Variants in FAT3 observed in about 807,000 individuals in gnomAD.
The protein encoded by FAT3 is protocadherin Fat 3.
FAT3 carries 95 observed loss-of-function variants against 310.2 expected under a neutral mutation model. That is an observed-to-expected ratio of 0.31 (90% confidence interval 0.26 to 0.36). FAT3 has a LOEUF of 0.36. Among genes scored for constraint, FAT3 ranks in the 10% least tolerant of loss-of-function variants. The pLI, the probability that FAT3 is intolerant of heterozygous loss-of-function variation, is 1.00. For synonymous variants in FAT3, 2,314 were observed against 2,192.9 expected (o/e 1.06, Z -1.54); for missense variants, 5,408 against 5,715.6 (o/e 0.95, Z 1.74).
intron 24 of FAT3, among the ~76,000 whole-genome samples, chr11:92,884,996 A>G (rs748436718): frequency 1.3e-5 from 2 of 152,188 alleles, no homozygotes; most frequent in Non-Finnish European, 2.9e-5. Flanking sequence ...AGAGGAGGGA[A>G]AAGGAGAGGA....
At chr11:92,802,842 A>T (rs1947398751) in intron 10 of FAT3, among the ~76,000 whole-genome samples, 1 of 152,214 alleles carries the variant, frequency 6.6e-6, no homozygotes, top group African/African-American at 2.4e-5. Context: ...CTTAGGACAT[A>T]GAATCTGCTT....
chr11:92,558,088 G>A (rs992548800), intron 3 of FAT3, among the ~76,000 whole-genome samples: 18 of 152,240 alleles, frequency 1.2e-4, no homozygotes, highest in Admixed American at 4.6e-4. Context: ...CCTATAAAGC[G>A]CATCTTTCTT....
At chr11:92,342,007 C>T (rs1233497568) in intron 1 of FAT3, among the ~76,000 whole-genome samples, 1 of 152,032 alleles carries the variant, frequency 6.6e-6, no homozygotes, top group Non-Finnish European at 1.5e-5. Flanking sequence ...CATGGATGAA[C>T]TCAGTGTTGC....
intron 3 of FAT3, among the ~76,000 whole-genome samples, chr11:92,575,209 G>A (rs1010242890): frequency 6.6e-5 from 10 of 152,058 alleles, no homozygotes; most frequent in Admixed American, 6.6e-4. Context: ...GGATTATTGA[G>A]CTAATGTAGG....
intron 2 of FAT3, among the ~76,000 whole-genome samples, chr11:92,362,417 G>A (rs1300749151): frequency 2.6e-5 from 4 of 152,086 alleles, no homozygotes; most frequent in Non-Finnish European, 5.9e-5. Context: ...TTTCTGCTCT[G>A]TGCCCAGAGG....
At chr11:92,249,868 C>T (rs1201628118) in intron 1 of FAT3, among the ~76,000 whole-genome samples, 1 of 152,084 alleles carries the variant, frequency 6.6e-6, no homozygotes, top group Non-Finnish European at 1.5e-5. Context: ...ATATTAACTA[C>T]ATAATGAGAT....
At chr11:92,839,758 G>A (rs1388918627) in intron 17 of FAT3, among the ~76,000 whole-genome samples, 2 of 152,156 alleles carry the variant, frequency 1.3e-5, no homozygotes, top group Admixed American at 6.5e-5. Context: ...AACAGAGTAG[G>A]GGAAAGGACA....
At chr11:92,685,957 A>C (rs1943625173) in intron 3 of FAT3, among the ~76,000 whole-genome samples, 2 of 152,154 alleles carry the variant, frequency 1.3e-5, no homozygotes, top group South Asian at 4.1e-4. Flanking sequence ...CTTTGTTTCC[A>C]CTTAAGTTTA....
At chr11:92,445,974 A>T (rs576915091) in intron 2 of FAT3, among the ~76,000 whole-genome samples, 1 of 152,192 alleles carries the variant, frequency 6.6e-6, no homozygotes, top group African/African-American at 2.4e-5. Flanking sequence ...TTATGTTCAC[A>T]ATTGAAGTGA....
intron 4 of FAT3, among the ~76,000 whole-genome samples, chr11:92,750,844 G>A (rs1565564307): frequency 1.3e-5 from 2 of 152,148 alleles, no homozygotes; most frequent in Admixed American, 1.3e-4. Flanking sequence ...GTAAAAATAC[G>A]TGCTATTTGG....
At chr11:92,889,108 T>C (rs762181315) in intron 25 of FAT3, 81 bp from the exon 26 acceptor site, 17 of 631,260 alleles carry the variant, frequency 2.7e-5, no homozygotes, top group Non-Finnish European at 4.0e-5. Flanking sequence ...GTTGTTGTTG[T>C]TAAAATAAGG....
intron 3 of FAT3, among the ~76,000 whole-genome samples, chr11:92,589,949 C>T (rs892387885): frequency 2.6e-5 from 4 of 152,118 alleles, no homozygotes; most frequent in Admixed American, 1.3e-4. Flanking sequence ...AGATGCTCAT[C>T]TTTAGCCAAA....
rs556375403 is a variant in FAT3 at position 92,583,574 on chromosome 11, C to T, written c.3607+58626C>T. Among the ~76,000 whole-genome samples the T allele has an allele frequency of 2.0e-5, 3 of 151,756 alleles. 1 individual carries two copies. The highest frequency in any genetic ancestry group is 7.2e-5 in the African/African-American group (3 of 41,422). On this transcript the variant is annotated intron_variant, in intron 3 of 27. Transcript: ENST00000525166. ...CCTTGTCCCCCATTCTGAGCCTTGC[C>T]CCCTATTCTGCTGTTCTCTTTGCCA...
At position 92,352,880 on chromosome 11, in the gene FAT3, T is replaced by C. The variant is rs1211405069; in HGVS notation, c.768T>C (p.Ile256=). 6 of 1,613,902 alleles carry C rather than the reference T, an allele frequency of 3.7e-6. No homozygotes were observed. Among genetic ancestry groups the C allele is most frequent in the Admixed American group, 3.3e-5 (2 of 59,988 alleles). ...GTACTGCAAAGCTTTATGTTCACAT[T>C]GAGCGCATAAATGAACATGCCCCAA... is the stretch of plus-strand genomic sequence containing the variant. ...VSSTAKLYVH[I]ERINEHAPTI... Residue 256 remains isoleucine (I), a synonymous_variant, in exon 2 of 28, where the codon ATT becomes ATC. Coordinates refer to ENST00000525166, the MANE Select transcript of FAT3 (RefSeq NM_001367949.2).
intron 3 of FAT3, among the ~76,000 whole-genome samples, chr11:92,674,191 T>TAATAATAAC (rs1211923205): frequency 6.2e-5 from 9 of 144,064 alleles, no homozygotes; most frequent in African/African-American, 2.4e-4. Context: ...AAAATAATAA[T>TAATAATAAC]AATAATAATA....
At chr11:92,813,139 C>T (rs906472668) in intron 13 of FAT3, among the ~76,000 whole-genome samples, 29 of 152,136 alleles carry the variant, frequency 1.9e-4, no homozygotes, top group Admixed American at 1.9e-3. Context: ...TCAATTAAAC[C>T]TTTTCCCTTT....
chr11:92,682,524 A>G (rs1056872970), intron 3 of FAT3, among the ~76,000 whole-genome samples: 1 of 152,222 alleles, frequency 6.6e-6, no homozygotes, highest in African/African-American at 2.4e-5. Flanking sequence ...AGCCAACGTA[A>G]TAATCGCTCT....
intron 1 of FAT3, among the ~76,000 whole-genome samples, chr11:92,257,814 T>A (rs1421427289): frequency 1.3e-5 from 2 of 152,156 alleles, no homozygotes; most frequent in Non-Finnish European, 2.9e-5. Context: ...CAATATAACC[T>A]AATTATGATT....
At chr11:92,683,241 T>A (rs1246658498) in intron 3 of FAT3, among the ~76,000 whole-genome samples, 1 of 152,160 alleles carries the variant, frequency 6.6e-6, no homozygotes, top group Non-Finnish European at 1.5e-5. Flanking sequence ...TGTTTCATAA[T>A]GTATGAAGAC....
Sources: allele counts gnomAD v4.1 joint callset (sites outside exome capture counted in the v4.1 genomes callset), GRCh38; gene constraint gnomAD v4.1.1; transcripts MANE v1.5; gene names NCBI Gene and HGNC (gene_info 2026-07-23, HGNC 2026-07-21).